Variants in CTNNA3 observed in about 807,000 individuals in gnomAD.
CTNNA3 encodes catenin alpha-3.
CTNNA3 carries 76 observed loss-of-function variants against 95.7 expected under a neutral mutation model. The observed-to-expected ratio is 0.79, with a 90% confidence interval of 0.66 to 0.96. The LOEUF (loss-of-function observed/expected upper bound fraction) is 0.96, where lower values mean the gene tolerates loss of function less well. CTNNA3 is among the 40% of genes least tolerant of loss of function. The pLI is 0.00. For missense variants in CTNNA3, 1,191 were observed against 1,089.8 expected (o/e 1.09, Z -1.31); for synonymous variants, 431 against 374.4 (o/e 1.15, Z -1.74).
At chr10:66,015,042 G>A (rs1450051693) in intron 15 of CTNNA3, among the ~76,000 whole-genome samples, 2 of 151,950 alleles carry the variant, frequency 1.3e-5, no homozygotes, top group Non-Finnish European at 2.9e-5. Context: ...GGCAGAGGTT[G>A]CAGTGAGCCG....
chr10:66,340,899 G>A (rs547468404), intron 12 of CTNNA3, among the ~76,000 whole-genome samples: 1 of 151,884 alleles, frequency 6.6e-6, no homozygotes, highest in East Asian at 1.9e-4. Context: ...TATAGTGTTG[G>A]TAGTAAAAAT....
intron 7 of CTNNA3, among the ~76,000 whole-genome samples, chr10:67,058,241 A>G: frequency 6.6e-6 from 1 of 152,162 alleles, no homozygotes; most frequent in Non-Finnish European, 1.5e-5. Context: ...ACAACTTACA[A>G]AAGTATTCTG....
At position 66,229,879 on chromosome 10, in the gene CTNNA3, CTT is replaced by C. The variant is rs537714791; in HGVS notation, c.1884+50589_1884+50590del. ...ACTATGTATTTGCTTAATAATGTCT[CTT>C]ATATCCTATAGAGTTTCTTCATTCT... is the stretch of plus-strand genomic sequence containing the variant. On this transcript the variant is annotated intron_variant, in intron 13 of 17. Coordinates refer to ENST00000433211, the MANE Select transcript of CTNNA3 (RefSeq NM_013266.4). Among the ~76,000 whole-genome samples, 752 of 152,084 alleles carry C rather than the reference CTT, an allele frequency of 4.9e-3. 6 individuals are homozygous for C. The highest frequency in any genetic ancestry group is 0.017 in the African/African-American group (699 of 41,516).
At chr10:67,641,571 A>G (rs910858958) in intron 2 of CTNNA3, among the ~76,000 whole-genome samples, 132 of 152,298 alleles carry the variant, frequency 8.7e-4, no homozygotes, top group African/African-American at 3.1e-3. Context: ...TGTTTACTGC[A>G]GCACTATTCA....
chr10:66,465,657 G>A (rs548019736), intron 11 of CTNNA3, among the ~76,000 whole-genome samples: 12 of 152,172 alleles, frequency 7.9e-5, no homozygotes, highest in African/African-American at 2.9e-4. Flanking sequence ...CACATCCTGT[G>A]CATTCTGGAC....
intron 1 of CTNNA3, among the ~76,000 whole-genome samples, chr10:67,749,471 CA>C (rs547000197): frequency 2.6e-5 from 4 of 152,172 alleles, no homozygotes; most frequent in Admixed American, 6.5e-5. Context: ...TCTCTCAGAC[CA>C]TAGTGCAATC....
intron 3 of CTNNA3, among the ~76,000 whole-genome samples, chr10:67,562,478 G>T (rs1167944167): frequency 6.6e-6 from 1 of 152,066 alleles, no homozygotes; most frequent in Non-Finnish European, 1.5e-5. Flanking sequence ...AAGTATTGAT[G>T]GGACATATCT....
chr10:66,615,243 A>G (rs1399500632), intron 10 of CTNNA3, among the ~76,000 whole-genome samples: 1 of 152,026 alleles, frequency 6.6e-6, no homozygotes, highest in Non-Finnish European at 1.5e-5. Flanking sequence ...TTCATGTCAT[A>G]TGAATAATGT....
At chr10:67,004,204 G>T (rs1361235346) in intron 7 of CTNNA3, among the ~76,000 whole-genome samples, 3 of 151,962 alleles carry the variant, frequency 2.0e-5, no homozygotes, top group Admixed American at 1.3e-4. Context: ...TGAGAAGAAG[G>T]CCTGAATTTT....
intron 3 of CTNNA3, among the ~76,000 whole-genome samples, chr10:67,602,019 T>C (rs1378528509): frequency 6.6e-6 from 1 of 152,198 alleles, no homozygotes; most frequent in Non-Finnish European, 1.5e-5. Flanking sequence ...TTATAGTATG[T>C]CTTTATTGGA....
At chr10:67,192,054 C>G (rs751718623) in intron 6 of CTNNA3, among the ~76,000 whole-genome samples, 14 of 151,764 alleles carry the variant, frequency 9.2e-5, no homozygotes, top group Non-Finnish European at 1.6e-4. Context: ...AAAATTCGAC[C>G]CTTATCTACA....
At chr10:67,536,604 C>T (rs1258634009) in intron 4 of CTNNA3, among the ~76,000 whole-genome samples, 1 of 152,066 alleles carries the variant, frequency 6.6e-6, no homozygotes, top group Non-Finnish European at 1.5e-5. Flanking sequence ...ACTGATATTT[C>T]CCAAAGTATG....
intron 15 of CTNNA3, among the ~76,000 whole-genome samples, chr10:66,054,395 G>A (rs960112578): frequency 2.7e-4 from 41 of 152,158 alleles, no homozygotes; most frequent in Non-Finnish European, 4.6e-4. Context: ...ATTTGTTACT[G>A]CTTGTCTTTT....
chr10:67,164,535 T>C (rs1861677743), intron 7 of CTNNA3, among the ~76,000 whole-genome samples: 1 of 152,104 alleles, frequency 6.6e-6, no homozygotes, highest in Non-Finnish European at 1.5e-5. Context: ...TAGAACTCGT[T>C]GAACCATTCT....
intron 7 of CTNNA3, among the ~76,000 whole-genome samples, chr10:67,114,222 T>G (rs1170515860): frequency 3.3e-5 from 5 of 152,184 alleles, no homozygotes; most frequent in Admixed American, 6.5e-5. Context: ...TTTGTACCAA[T>G]GTACTAATTA....
chr10:66,526,774 T>G (rs1237826068), intron 10 of CTNNA3, among the ~76,000 whole-genome samples: 3 of 152,146 alleles, frequency 2.0e-5, no homozygotes, highest in African/African-American at 7.2e-5. Flanking sequence ...TATTCAAGTA[T>G]TTTGCCCATT....
At chr10:67,362,816 T>C (rs568252013) in intron 5 of CTNNA3, among the ~76,000 whole-genome samples, 16 of 151,532 alleles carry the variant, frequency 1.1e-4, no homozygotes, top group Middle Eastern at 3.4e-3. Context: ...AAAATCAAAC[T>C]CTCTCTCTTC....
chr10:66,441,840 A>G (rs2093377388), intron 11 of CTNNA3, among the ~76,000 whole-genome samples: 1 of 152,222 alleles, frequency 6.6e-6, no homozygotes, highest in Admixed American at 6.5e-5. Context: ...ATTAGAAATA[A>G]GGCTAGACTT....
intron 9 of CTNNA3, among the ~76,000 whole-genome samples, chr10:66,634,954 A>C (rs1589047907): frequency 6.6e-6 from 1 of 152,254 alleles, no homozygotes; most frequent in South Asian, 2.1e-4. Flanking sequence ...ACATAGCTCA[A>C]ATTGAAGTCT....
Sources: allele counts gnomAD v4.1 joint callset (sites outside exome capture counted in the v4.1 genomes callset), GRCh38; gene constraint gnomAD v4.1.1; transcripts MANE v1.5; gene names NCBI Gene and HGNC (gene_info 2026-07-23, HGNC 2026-07-21).